Variants in SPEG observed in about 807,000 individuals in gnomAD.
SPEG encodes striated muscle enriched protein kinase.
A neutral mutation model predicts 300.4 loss-of-function variants in SPEG; 114 were observed. The ratio of observed to expected loss-of-function variants is 0.38; its 90% CI spans 0.33 to 0.44. The LOEUF is 0.44. Ranked by LOEUF, SPEG falls within the 20% of genes least tolerant of loss-of-function variation. SPEG has a pLI of 1.00. For synonymous variants in SPEG, 1,964 were observed against 2,018.9 expected (o/e 0.97, Z 0.73); for missense variants, 4,201 against 4,586.2 (o/e 0.92, Z 2.43).
chr2:219,489,563 C>A lies in SPEG; in HGVS notation c.8545C>A (p.His2849Asn), dbSNP rs994970357. ...GPPPQTPPRR[H>N]RGLQAARPAE... ...ACCACCCCAAACCCCTCCACGAAGA[C>A]ACAGGGGCCTGCAGGCTGCCCGGCC... Residue 2849 changes from histidine (H) to asparagine (N), a missense_variant, in exon 36 of 41, where the codon CAC becomes AAC. This residue lies in a region of SPEG where 1,578 missense variants were observed against 1,506.0 expected (regional missense o/e 1.05). Coordinates refer to ENST00000312358, the MANE Select transcript of SPEG (RefSeq NM_005876.5). 2 of 1,613,470 alleles carry A rather than the reference C, an allele frequency of 1.2e-6. No homozygotes were observed. The highest frequency in any genetic ancestry group is 2.7e-5 in the African/African-American group (2 of 74,836).
In SPEG at chr2:219,439,989, G is replaced by A. The variant is rs1046650929; in HGVS notation, c.388+4624G>A. Among the ~76,000 whole-genome samples, 4 of 152,198 alleles carry A rather than the reference G, an allele frequency of 2.6e-5. No individual in the cohort carries two copies. The highest frequency in any genetic ancestry group is 2.1e-4 in the South Asian group (1 of 4,832). On this transcript the variant is annotated intron_variant, in intron 1 of 40. Transcript: ENST00000312358. This position sits in a 1 kb window ranked among gnomAD's most constrained non-coding sequence, Gnocchi z 4.5. ...ACACATATGTGCCCTCTCAGCACAC[G>A]TCCCTGTGCATGTGTCTGTACTTGT...
In SPEG at chr2:219,489,156, C is replaced by T. The variant is rs1195648963; in HGVS notation, c.8252C>T (p.Ala2751Val). 1 of 1,613,978 alleles carries T rather than the reference C, an allele frequency of 6.2e-7. No homozygotes were observed. ...GVTVRFRVAC[A>V]NRAGQGPFSN... ...ACTGTGAGGTTCCGTGTGGCCTGTGCCAACCGTGCTGGGCAGGGGCCCTTC... is the reference window on the plus strand; with the variant it reads ...ACTGTGAGGTTCCGTGTGGCCTGTGTCAACCGTGCTGGGCAGGGGCCCTTC... The change falls in exon 35 of 41, where the codon GCC (alanine) becomes GTC (valine). Residue 2751 changes from alanine (A) to valine (V), a missense_variant. Physicochemically the swap from Ala to Val is moderately conservative, Grantham distance 64. This residue lies in a region of SPEG where 1,578 missense variants were observed against 1,506.0 expected (regional missense o/e 1.05). Transcript: ENST00000312358.
At chr2:219,485,211 G>C in intron 30 of SPEG, 135 bp from the exon 31 acceptor site, 1 of 1,483,002 alleles carries the variant, frequency 6.7e-7, no homozygotes, top group South Asian at 1.3e-5. Context: ...CAGGGCTGGA[G>C]GGGAGGAAAG....
chr2:219,435,817 A>G (rs1161001865), intron 1 of SPEG, among the ~76,000 whole-genome samples: 3 of 152,128 alleles, frequency 2.0e-5, no homozygotes, highest in Non-Finnish European at 4.4e-5. Context: ...TGTTGAAGGG[A>G]TGGCTCAGAG....
chr2:219,477,712 G>A lies in SPEG; in HGVS notation c.4753G>A (p.Gly1585Arg), dbSNP rs754495766. 6.2e-7 allele frequency: 1 copy of A among 1,600,242 alleles called. No homozygotes were observed. Among genetic ancestry groups the A allele is most frequent in the Non-Finnish European group, 8.5e-7 (1 of 1,171,424 alleles). The change falls in exon 21 of 41, where the codon GGG becomes AGG. Residue 1585 changes from glycine (G) to arginine (R), a missense_variant. Around this residue, in one of 4 missense-constraint regions of SPEG, gnomAD observed 1,047 missense variants for 1,356.8 expected, o/e 0.77. Transcript: ENST00000312358. This position sits in a 1 kb window ranked among gnomAD's most constrained non-coding sequence, Gnocchi z 6.4. ...AGCTCAGACAGCTATGGAGGTCGAG[G>A]GGGTCGGGGAGGATGAGGACCATCG... ...HSAQTAMEVE[G>R]VGEDEDHRGR...
rs1253748175 is a variant in SPEG at position 219,473,128 on chromosome 2, G to A, written c.4147+32G>A. ...CTGGGTGCTCCTGTCGGGTGGGGGT[G>A]GGAGCTGCTGGGATGGGGAATGGGG... On this transcript the variant is annotated intron_variant, in intron 16 of 40. Transcript: ENST00000312358. The surrounding 1 kb of genome is among the most constrained non-coding windows in gnomAD (Gnocchi z 4.6). 6.3e-7 allele frequency: 1 copy of A among 1,589,204 alleles called. No homozygotes were observed. The highest frequency in any genetic ancestry group is 1.1e-5 in the South Asian group (1 of 89,094).
Position 219,477,655 on chromosome 2 carries a change from C to T in SPEG, c.4730-34C>T, listed in dbSNP as rs752039480. ...GTCTCTGGCCTGCTTGCTTTCTTCC[C>T]CTCCCACCTAACACCATGACATCTC... On this transcript the variant is annotated intron_variant, in intron 20 of 40. Transcript: ENST00000312358. The surrounding 1 kb of genome is among the most constrained non-coding windows in gnomAD (Gnocchi z 6.4). The T allele has an allele frequency of 2.4e-5, 36 of 1,518,820 alleles. 2 individuals carry two copies. In the South Asian group the frequency reaches 4.0e-4, roughly 17 times the overall value. The allele number at this position is 1,518,820 out of a possible 1,614,324, so 94.1% of individuals were successfully genotyped here.
Position 219,444,127 on chromosome 2 carries a change from C to T in SPEG, c.389-526C>T, listed in dbSNP as rs1689112133. 8.5e-7 allele frequency: 1 copy of T among 1,170,972 alleles called. No individual in the cohort carries two copies. Among genetic ancestry groups the T allele is most frequent in the Non-Finnish European group, 1.2e-6 (1 of 861,736 alleles). 72.5% of individuals were successfully genotyped at this position (1,170,972 alleles called of 1,614,324 possible). ...TTCCCACCCGGCCCCGGCCTCTCCT[C>T]ACCCTGCCTCAGCTGCACCCGATGC... On this transcript the variant is annotated intron_variant, in intron 1 of 40. Coordinates refer to ENST00000312358, the MANE Select transcript of SPEG (RefSeq NM_005876.5). The surrounding 1 kb of genome is among the most constrained non-coding windows in gnomAD (Gnocchi z 7.8).
intron 6 of SPEG, among the ~76,000 whole-genome samples, chr2:219,460,133 C>T (rs970283936): frequency 6.6e-6 from 1 of 152,212 alleles, no homozygotes; most frequent in Admixed American, 6.5e-5. Flanking sequence ...CCAACAGGTG[C>T]CCTGGCGGTT....
chr2:219,457,079 T>C (rs977132008), intron 6 of SPEG, among the ~76,000 whole-genome samples: 1 of 152,210 alleles, frequency 6.6e-6, no homozygotes, highest in East Asian at 1.9e-4. Context: ...GTCAGCACCC[T>C]GTGGAAATGC....
At chr2:219,465,946 CGTGCATGTGTGCGT>C (rs1559391209) in intron 9 of SPEG, 62 of 883,626 alleles carry the variant, frequency 7.0e-5, no homozygotes, top group Non-Finnish European at 9.3e-5. Flanking sequence ...TGCACGTGTG[CGTGCATGTGTGCGT>C]GTGCATGCGT....
Position 219,473,798 on chromosome 2 carries a change from T to C in SPEG, c.4342T>C (p.Cys1448Arg). 1 of 1,614,020 alleles carries C rather than the reference T, an allele frequency of 6.2e-7. No individual in the cohort carries two copies. The highest frequency in any genetic ancestry group is 8.5e-7 in the Non-Finnish European group (1 of 1,180,024). Residue 1448 changes from cysteine to arginine, a missense_variant, in exon 18 of 41, where the codon TGT becomes CGT. Physicochemically the swap from Cys to Arg is radical, Grantham distance 180. Around this residue, in one of 4 missense-constraint regions of SPEG, gnomAD observed 1,047 missense variants for 1,356.8 expected, o/e 0.77. Coordinates refer to ENST00000312358, the MANE Select transcript of SPEG (RefSeq NM_005876.5). The surrounding 1 kb of genome is among the most constrained non-coding windows in gnomAD (Gnocchi z 4.6). ...ELSQPDDDQY[C>R]LRICRVSRRD... ...GAGCCAGCCAGATGATGACCAGTAC[T>C]GTCTTCGGATCTGCCGGGTGAGCCG...
At position 219,492,993 on chromosome 2, in the gene SPEG, G is replaced by C. The variant is rs573623388; in HGVS notation, c.*207G>C. On this transcript the variant is annotated 3_prime_UTR_variant, in exon 41 of 41. Coordinates refer to ENST00000312358, the MANE Select transcript of SPEG (RefSeq NM_005876.5). The stretch of plus-strand genomic sequence containing the variant: ...GCCACCCCAGGCCAAAGCCAGAGTG[G>C]GAGACCCATTGGTCAGGCTCAGCAG... 6 of 710,208 alleles carry C rather than the reference G, an allele frequency of 8.4e-6. No individual in the cohort carries two copies. Among genetic ancestry groups the C allele is most frequent in the Non-Finnish European group, 1.5e-5 (6 of 393,018 alleles). 44.0% of individuals were successfully genotyped at this position (710,208 alleles called of 1,614,324 possible).
At chr2:219,465,965 ATGCGTGTGTG>A in intron 9 of SPEG, 3 of 1,100,832 alleles carry the variant, frequency 2.7e-6, no homozygotes, top group Non-Finnish European at 4.0e-6. Flanking sequence ...GTGCGTGTGC[ATGCGTGTGTG>A]TGCATGTGTG....
In SPEG at chr2:219,484,928, G is replaced by T; in HGVS notation, c.7465G>T (p.Gly2489Ter). Residue 2489 changes from glycine to a stop codon, truncating the protein, a stop_gained, in exon 30 of 41, where the codon GGA (glycine) becomes TGA (stop). Coordinates refer to ENST00000312358, the MANE Select transcript of SPEG (RefSeq NM_005876.5). LOFTEE classifies it high-confidence loss of function. Reference protein sequence around the residue: ...GASGRSTPLFGRLRRATSEGE... With the variant: ...GASGRSTPLF Reference sequence around the variant, plus strand: ...GTCGGGCCGCAGCACGCCGCTGTTCGGACGGCTTCGCAGGGCCACGTCCGA... The same window carrying T: ...GTCGGGCCGCAGCACGCCGCTGTTCTGACGGCTTCGCAGGGCCACGTCCGA... 2 of 1,528,892 alleles carry T rather than the reference G, an allele frequency of 1.3e-6. No individual in the cohort carries two copies. The highest frequency in any genetic ancestry group is 1.7e-6 in the Non-Finnish European group (2 of 1,144,440). 94.7% of individuals were successfully genotyped at this position (1,528,892 alleles called of 1,614,324 possible). A position where few individuals can be genotyped will look rare whatever the true frequency, so the allele number is the denominator to read the frequency against.
intron 40 of SPEG, 74 bp downstream of exon 40, chr2:219,492,334 C>A: frequency 6.7e-7 from 1 of 1,489,096 alleles, no homozygotes; most frequent in Non-Finnish European, 9.2e-7. Flanking sequence ...GATCTCCCAG[C>A]TCCTCCCCTG....
Position 219,479,100 on chromosome 2 carries a change from G to T in SPEG, c.5028-44G>T. On this transcript the variant is annotated intron_variant, in intron 22 of 40. Transcript: ENST00000312358. The surrounding 1 kb of genome is among the most constrained non-coding windows in gnomAD (Gnocchi z 5.5). The stretch of plus-strand genomic sequence containing the variant: ...CCTGCCCTGAGCGCTGGGCTGGGCC[G>T]GGCAGTTGGCACTGGGCACTGTTCT... 1 of 1,586,534 alleles carries T rather than the reference G, an allele frequency of 6.3e-7. No individual in the cohort carries two copies. The highest frequency in any genetic ancestry group is 1.1e-5 in the South Asian group (1 of 90,576).
intron 30 of SPEG, 114 bp downstream of exon 30, chr2:219,485,186 C>T (rs1318928551): frequency 1.3e-6 from 2 of 1,483,426 alleles, no homozygotes; most frequent in Admixed American, 2.0e-5. Flanking sequence ...GCTGAGGCCC[C>T]GAGGGTGGAA....
rs369130006 is a variant in SPEG at position 219,443,743 on chromosome 2, G to GGT, written c.389-892_389-891dup. ...TCTGCGGCTGGACTGGACACAAGCA[G>GGT]GTGTGTGTGTGTGTGTGTGCATGTG... is the stretch of plus-strand genomic sequence containing the variant. On this transcript the variant is annotated intron_variant, in intron 1 of 40. Coordinates refer to ENST00000312358, the MANE Select transcript of SPEG (RefSeq NM_005876.5). The surrounding 1 kb of genome is among the most constrained non-coding windows in gnomAD (Gnocchi z 4.6). 0.099 allele frequency: 30,243 copies of GGT among 305,648 alleles called. 2,005 individuals are homozygous for GGT. The highest frequency in any genetic ancestry group is 0.29 in the African/African-American group (13,214 of 45,566). 18.9% of individuals were successfully genotyped at this position (305,648 alleles called of 1,614,324 possible).
Sources: gnomAD v4.1 joint callset for allele counts (sites outside exome capture counted in the v4.1 genomes callset) on GRCh38, gnomAD v4.1.1 for gene constraint, gnomAD v4.1.1 regional missense constraint, Gnocchi (gnomAD v3.1) non-coding constraint, MANE v1.5 for transcripts, NCBI Gene and HGNC (gene_info 2026-07-23, HGNC 2026-07-21) for gene names.